The following PLCB4 variants were observed in gnomAD, a reference collection of about 807,000 sequenced individuals.
The protein encoded by PLCB4 is 1-phosphatidylinositol 4,5-bisphosphate phosphodiesterase beta-4.
PLCB4 carries 77 observed loss-of-function variants against 178.8 expected under a neutral mutation model. That is an observed-to-expected ratio of 0.43 (90% confidence interval 0.36 to 0.52). The LOEUF is 0.52. PLCB4 is among the 20% of genes least tolerant of loss of function. PLCB4 has a pLI of 0.00. For synonymous variants in PLCB4, 496 were observed against 490.8 expected (o/e 1.01, Z -0.14); for missense variants, 1,024 against 1,453.4 (o/e 0.70, Z 4.80).
intron 3 of PLCB4, among the ~76,000 whole-genome samples, chr20:9,258,769 T>C (rs188475453): frequency 7.5e-5 from 11 of 146,494 alleles, no homozygotes; most frequent in Non-Finnish European, 1.4e-4. Context: ...GACAAGGGAA[T>C]GACTTCATGG....
intron 9 of PLCB4, among the ~76,000 whole-genome samples, chr20:9,365,846 G>A (rs1266481359): frequency 1.3e-5 from 2 of 152,204 alleles, no homozygotes; most frequent in African/African-American, 4.8e-5. Context: ...GAAACTGTTA[G>A]CTAAACTTAA....
Position 9,089,648 on chromosome 20 carries a change from T to C in PLCB4, c.-134-6639T>C, listed in dbSNP as rs537501673. Reference sequence around the variant, plus strand: ...TATGTAGGAAGTGGTTCTAAGATTGTGTCCAATATCATCAGAAATCTGCTT... The same window carrying C: ...TATGTAGGAAGTGGTTCTAAGATTGCGTCCAATATCATCAGAAATCTGCTT... On this transcript the variant is annotated intron_variant, in intron 1 of 39. Transcript: ENST00000378473. Among the ~76,000 whole-genome samples, 8 of 152,312 alleles carry C rather than the reference T, an allele frequency of 5.3e-5. No homozygotes were observed. The South Asian group carries it at 1.7e-3, about 32-fold the overall frequency.
chr20:9,227,900 A>G (rs1247248553), intron 3 of PLCB4, among the ~76,000 whole-genome samples: 1 of 152,200 alleles, frequency 6.6e-6, no homozygotes. Context: ...ATGGTATTAT[A>G]GCTCAGGAGA....
At chr20:9,290,927 T>C (rs1370874507) in intron 3 of PLCB4, among the ~76,000 whole-genome samples, 1 of 152,040 alleles carries the variant, frequency 6.6e-6, no homozygotes, top group African/African-American at 2.4e-5. Context: ...GGATCTGTAT[T>C]TTACAGACAA....
intron 28 of PLCB4, among the ~76,000 whole-genome samples, chr20:9,425,234 G>T (rs1416591895): frequency 6.6e-6 from 1 of 152,226 alleles, no homozygotes; most frequent in Non-Finnish European, 1.5e-5. Context: ...CTGCAACACA[G>T]CATGGTGGTG....
At chr20:9,141,455 A>G (rs1568825832) in intron 2 of PLCB4, among the ~76,000 whole-genome samples, 1 of 152,164 alleles carries the variant, frequency 6.6e-6, no homozygotes, top group South Asian at 2.1e-4. Context: ...AAACATAAAG[A>G]TGGAGAAGGA....
intron 2 of PLCB4, among the ~76,000 whole-genome samples, chr20:9,203,040 TA>T (rs58109957): frequency 0.04 from 4,459 of 111,318 alleles, 109 homozygotes; most frequent in African/African-American, 0.077. Context: ...TTGTCTTTGG[TA>T]AAAAAAAAAA....
At chr20:9,266,695 A>T (rs773494718) in intron 3 of PLCB4, among the ~76,000 whole-genome samples, 1 of 152,094 alleles carries the variant, frequency 6.6e-6, no homozygotes, top group Non-Finnish European at 1.5e-5. Context: ...ACATTTTTAA[A>T]TTATTTTTTT....
intron 28 of PLCB4, 85 bp from the exon 29 acceptor site, chr20:9,435,475 G>A: frequency 1.2e-6 from 1 of 805,078 alleles, no homozygotes; most frequent in Non-Finnish European, 2.1e-6. Context: ...AGGTATCCAG[G>A]ATTGTAGTTT....
At chr20:9,267,442 A>C (rs1387761344) in intron 3 of PLCB4, among the ~76,000 whole-genome samples, 1 of 152,154 alleles carries the variant, frequency 6.6e-6, no homozygotes, top group Admixed American at 6.5e-5. Flanking sequence ...TGGTTATTCC[A>C]TGTCTATTTT....
intron 4 of PLCB4, among the ~76,000 whole-genome samples, chr20:9,332,163 C>A (rs2031771597): frequency 6.6e-6 from 1 of 152,124 alleles, no homozygotes. Flanking sequence ...AATAGATTCC[C>A]AAAGGAGAAA....
At chr20:9,082,055 G>A (rs1356353734) in intron 1 of PLCB4, among the ~76,000 whole-genome samples, 2 of 150,838 alleles carry the variant, frequency 1.3e-5, no homozygotes, top group Non-Finnish European at 2.9e-5. Flanking sequence ...TTATGAGTTC[G>A]ATTTTAATCA....
intron 3 of PLCB4, among the ~76,000 whole-genome samples, chr20:9,271,244 C>G (rs2094399500): frequency 6.6e-6 from 1 of 152,246 alleles, no homozygotes; most frequent in East Asian, 1.9e-4. Flanking sequence ...CAGTGCTAAA[C>G]TTTCTCAGGC....
At chr20:9,295,038 G>A (rs1484526180) in intron 3 of PLCB4, among the ~76,000 whole-genome samples, 1 of 152,094 alleles carries the variant, frequency 6.6e-6, no homozygotes, top group African/African-American at 2.4e-5. Flanking sequence ...TGGAACCCCA[G>A]GACTTTTTAA....
chr20:9,450,860 G>C (rs1337628699), intron 32 of PLCB4, among the ~76,000 whole-genome samples: 8 of 151,810 alleles, frequency 5.3e-5, no homozygotes, highest in African/African-American at 1.9e-4. Flanking sequence ...TGTTAGCCAG[G>C]CTAGTCTCGA....
rs1331066035 is a variant in PLCB4 at position 9,479,355 on chromosome 20, A to T, written c.*346A>T. The T allele has an allele frequency of 5.0e-6, 1 of 200,632 alleles. No individual in the cohort carries two copies. The highest frequency in any genetic ancestry group is 1.0e-5 in the Non-Finnish European group (1 of 98,134). 12.4% of individuals were successfully genotyped at this position (200,632 alleles called of 1,614,324 possible). A position where few individuals can be genotyped will look rare whatever the true frequency, so the allele number is the denominator to read the frequency against. ...ATGCCTTAGGACATGTTTGAACTGC[A>T]GCAAAAAACAAAAACAAAAAACAGT... On this transcript the variant is annotated 3_prime_UTR_variant, in exon 40 of 40. Transcript: ENST00000378473.
chr20:9,417,481 C>T (rs191201477), intron 25 of PLCB4, among the ~76,000 whole-genome samples: 20 of 152,264 alleles, frequency 1.3e-4, no homozygotes, highest in Non-Finnish European at 2.6e-4. Flanking sequence ...GCTTCTTTCA[C>T]TTAACATAAT....
rs534493755 is a variant in PLCB4, at chr20:9,192,819, A to T, written c.-78-24571A>T. Among the ~76,000 whole-genome samples, 23 of 152,128 alleles carry T rather than the reference A, an allele frequency of 1.5e-4. 1 individual carries two copies. Among genetic ancestry groups the T allele is most frequent in the South Asian group, 1.0e-3 (5 of 4,812 alleles). On this transcript the variant is annotated intron_variant, in intron 2 of 39. Coordinates refer to ENST00000378473, the MANE Select transcript of PLCB4 (RefSeq NM_001377142.1). ...CTATCTCAACAAAAAAAGAAAAAAAAATGTCAAGACAGTAATAGCAGAGCT... is the reference window on the plus strand; with the variant it reads ...CTATCTCAACAAAAAAAGAAAAAAATATGTCAAGACAGTAATAGCAGAGCT...
At chr20:9,418,855 G>T (rs1392026936) in intron 25 of PLCB4, among the ~76,000 whole-genome samples, 2 of 151,942 alleles carry the variant, frequency 1.3e-5, no homozygotes, top group Non-Finnish European at 2.9e-5. Flanking sequence ...ACAGTGTTTT[G>T]TAGTTTTCAA....
Sources: gnomAD v4.1 joint callset for allele counts (sites outside exome capture counted in the v4.1 genomes callset) on GRCh38, gnomAD v4.1.1 for gene constraint, MANE v1.5 for transcripts, NCBI Gene and HGNC (gene_info 2026-07-23, HGNC 2026-07-21) for gene names.